The following ABCC4 variants were observed in gnomAD, a reference collection of about 807,000 sequenced individuals.
ABCC4 encodes the protein ATP binding cassette subfamily C member 4 (PEL blood group).
A neutral mutation model predicts 168.5 loss-of-function variants in ABCC4; 102 were observed. That is an observed-to-expected ratio of 0.61 (90% CI 0.52 to 0.71). ABCC4 has a LOEUF of 0.71. ABCC4 is among the 30% of genes least tolerant of loss of function. The probability of loss-of-function intolerance (pLI) is 0.00; values close to 1 mark genes in which losing one functional copy is unlikely to be tolerated. For missense variants in ABCC4, 1,402 were observed against 1,605.8 expected (o/e 0.87, Z 2.17); for synonymous variants, 617 against 590.7 (o/e 1.04, Z -0.65).
chr13:95,075,458 A>G lies in ABCC4; in HGVS notation c.2780T>C (p.Phe927Ser). Reference sequence around the variant, plus strand: ...TGAATGTAAATCCTGGTGTGCATCAAACAGTTCCTGACACCTCTCTTCTGC... The same window carrying G: ...TGAATGTAAATCCTGGTGTGCATCAGACAGTTCCTGACACCTCTCTTCTGC... ...YKAEERCQEL[F>S]DAHQDLHSEA... Residue 927 changes from phenylalanine (F) to serine (S), a missense_variant, in exon 22 of 31, where the codon TTT becomes TCT. This residue lies in a region of ABCC4 where 1,007 missense variants were observed against 1,127.3 expected (regional missense o/e 0.89). Coordinates refer to ENST00000645237, the MANE Select transcript of ABCC4 (RefSeq NM_005845.5). 1 of 1,614,110 alleles carries G rather than the reference A, an allele frequency of 6.2e-7. No individual in the cohort carries two copies. The highest frequency in any genetic ancestry group is 2.2e-5 in the East Asian group (1 of 44,866).
intron 4 of ABCC4, among the ~76,000 whole-genome samples, chr13:95,217,530 G>A (rs752392502): frequency 6.6e-6 from 1 of 152,004 alleles, no homozygotes. Context: ...TCAGGAGTTC[G>A]AGACCAGCCT....
chr13:95,201,720 C>T (rs1164529399), intron 8 of ABCC4, among the ~76,000 whole-genome samples: 2 of 152,046 alleles, frequency 1.3e-5, no homozygotes, highest in Admixed American at 1.3e-4. Flanking sequence ...TACCTGTAAT[C>T]CCAGCACTTT....
At position 95,043,920 on chromosome 13, in the gene ABCC4, A is replaced by C. The variant is rs920723089; in HGVS notation, c.3630-133T>G. 7.8e-6 allele frequency: 5 copies of C among 643,284 alleles called. No homozygotes were observed. In the Admixed American group the frequency reaches 1.2e-4, roughly 16 times the overall value. The allele number at this position is 643,284 out of a possible 1,614,324, so 39.8% of individuals were successfully genotyped here. On this transcript the variant is annotated intron_variant, in intron 28 of 30. Transcript: ENST00000645237. ...ATTTAATGTTTTAAAAATCATGTTA[A>C]AATGTTTTAGGACAATCTTATTCTT...
At chr13:95,161,142 T>C (rs2037085092) in intron 19 of ABCC4, 47 bp downstream of exon 19, 1 of 1,456,320 alleles carries the variant, frequency 6.9e-7, no homozygotes, top group Non-Finnish European at 9.2e-7. Context: ...ATCCTAAATG[T>C]GTTGTTAACA....
At chr13:95,186,101 C>G (rs1483394061) in intron 11 of ABCC4, among the ~76,000 whole-genome samples, 1 of 151,964 alleles carries the variant, frequency 6.6e-6, no homozygotes, top group Non-Finnish European at 1.5e-5. Context: ...TAATGAGATA[C>G]TAAAGCACTG....
chr13:95,115,272 G>GT (rs1594119507), intron 20 of ABCC4, among the ~76,000 whole-genome samples: 1 of 43,424 alleles, frequency 2.3e-5, no homozygotes, highest in Non-Finnish European at 3.9e-5. Flanking sequence ...TAGGATTGTT[G>GT]GTTTTTTTTT....
At chr13:95,192,668 A>G (rs576572566) in intron 9 of ABCC4, among the ~76,000 whole-genome samples, 2 of 152,326 alleles carry the variant, frequency 1.3e-5, no homozygotes, top group African/African-American at 4.8e-5. Flanking sequence ...CTGCAATCCC[A>G]GCACTTTGGG....
rs2039528084 is a variant in ABCC4, at chr13:95,228,392, T to C, written c.531+6218A>G. On this transcript the variant is annotated intron_variant, in intron 4 of 30. Coordinates refer to ENST00000645237, the MANE Select transcript of ABCC4 (RefSeq NM_005845.5). Reference sequence around the variant, plus strand: ...TTATGGGAGGGCACCTTCCACTTCCTACTCAGTCTGTGGTAGAGGAGGCTG... The same window carrying C: ...TTATGGGAGGGCACCTTCCACTTCCCACTCAGTCTGTGGTAGAGGAGGCTG... Among the ~76,000 whole-genome samples the C allele has an allele frequency of 2.0e-5, 3 of 152,188 alleles. No individual in the cohort carries two copies. In the South Asian group the frequency reaches 6.2e-4, roughly 32 times the overall value.
At chr13:95,061,046 G>A (rs1398127500) in intron 26 of ABCC4, among the ~76,000 whole-genome samples, 3 of 152,112 alleles carry the variant, frequency 2.0e-5, no homozygotes, top group African/African-American at 7.2e-5. Context: ...AATGTCTTTA[G>A]GGTATATCTG....
At chr13:95,083,065 A>C (rs938530242) in intron 21 of ABCC4, 75 bp downstream of exon 21, 2 of 1,511,942 alleles carry the variant, frequency 1.3e-6, no homozygotes, top group Non-Finnish European at 1.8e-6. Flanking sequence ...GCCGAATTTC[A>C]GGGGGTCTCT....
intron 20 of ABCC4, among the ~76,000 whole-genome samples, chr13:95,097,942 C>T (rs1331353480): frequency 6.6e-6 from 1 of 151,774 alleles, no homozygotes; most frequent in Non-Finnish European, 1.5e-5. Flanking sequence ...TTCAGACCAA[C>T]CTGGGCAACA....
At chr13:95,261,936 C>CA (rs986221820) in intron 1 of ABCC4, among the ~76,000 whole-genome samples, 3 of 143,268 alleles carry the variant, frequency 2.1e-5, no homozygotes, top group African/African-American at 5.7e-5. Context: ...TCTCTCCACA[C>CA]AAAAAAAAAA....
intron 1 of ABCC4, among the ~76,000 whole-genome samples, chr13:95,286,255 G>T (rs1313769984): frequency 6.6e-6 from 1 of 150,486 alleles, no homozygotes; most frequent in Non-Finnish European, 1.5e-5. Context: ...CAGAAGCTGG[G>T]ATTACAGGCG....
intron 3 of ABCC4, among the ~76,000 whole-genome samples, chr13:95,236,087 C>T (rs1326102425): frequency 2.6e-5 from 4 of 152,124 alleles, no homozygotes; most frequent in African/African-American, 9.7e-5. Context: ...CAGCTTGAGC[C>T]ACGGTTTGAG....
Position 95,163,733 on chromosome 13 carries a change from C to G in ABCC4, c.2176-86G>C, listed in dbSNP as rs1004294310. The G allele has an allele frequency of 4.3e-5, 50 of 1,162,836 alleles. No individual in the cohort carries two copies. The African/African-American group carries it at 6.5e-4, about 15-fold the overall frequency. The allele number at this position is 1,162,836 out of a possible 1,614,324, so 72.0% of individuals were successfully genotyped here. ...ACTCTCAATCGCTAACATGGACAAC[C>G]GAAAGAAAGCCCTCAAAGCCGGGCG... On this transcript the variant is annotated intron_variant, in intron 16 of 30. Coordinates refer to ENST00000645237, the MANE Select transcript of ABCC4 (RefSeq NM_005845.5).
chr13:95,166,730 A>G (rs2037285248), intron 14 of ABCC4, among the ~76,000 whole-genome samples: 1 of 152,222 alleles, frequency 6.6e-6, no homozygotes, highest in African/African-American at 2.4e-5. Flanking sequence ...ATATTCCAGG[A>G]AAGAAACCTA....
chr13:95,216,969 ACTAT>A (rs1314583013), intron 4 of ABCC4, among the ~76,000 whole-genome samples: 2 of 152,208 alleles, frequency 1.3e-5, no homozygotes, highest in Non-Finnish European at 2.9e-5. Context: ...AAGACATCTA[ACTAT>A]CTAATTACTA....
intron 1 of ABCC4, among the ~76,000 whole-genome samples, chr13:95,286,123 C>CTTTTTGTTTTTTTTT (rs2041249806): frequency 9.5e-6 from 1 of 105,522 alleles, no homozygotes; most frequent in Non-Finnish European, 1.9e-5. Context: ...TCCAGAAAAA[C>CTTTTTGTTTTTTTTT]TTTTTTTTTT....
chr13:95,245,996 A>T (rs561876296), intron 3 of ABCC4, among the ~76,000 whole-genome samples: 1 of 151,854 alleles, frequency 6.6e-6, no homozygotes, highest in East Asian at 2.0e-4. Context: ...GACCACTGAC[A>T]TCCCTAAGGT....
Sources: gnomAD v4.1 joint callset for allele counts (sites outside exome capture counted in the v4.1 genomes callset) on GRCh38, gnomAD v4.1.1 for gene constraint, gnomAD v4.1.1 regional missense constraint, MANE v1.5 for transcripts, NCBI Gene and HGNC (gene_info 2026-07-23, HGNC 2026-07-21) for gene names.